FAR1: variants seen among roughly 807,000 people sequenced by gnomAD.
FAR1 encodes the protein male sterility domain-containing protein 2.
In FAR1, 22 loss-of-function variants were observed where a neutral mutation model predicts 61.1. That is an observed-to-expected ratio of 0.36 (90% CI 0.26 to 0.51). FAR1 has a LOEUF of 0.51. Among genes scored for constraint, FAR1 ranks in the 20% least tolerant of loss-of-function variants. FAR1 has a pLI of 0.95. For missense variants in FAR1, 359 were observed against 626.9 expected, an observed-to-expected ratio of 0.57 and a Z score of 4.56; for synonymous variants, 206 against 209.7, an observed-to-expected ratio of 0.98 and a Z score of 0.15.
Position 13,700,387 on chromosome 11 carries a change from C to A in FAR1, c.260C>A (p.Thr87Asn), listed in dbSNP as rs1848358118. 1 of 1,603,418 alleles carries A rather than the reference C, an allele frequency of 6.2e-7. No homozygotes were observed. The highest frequency in any genetic ancestry group is 1.3e-5 in the African/African-American group (1 of 74,246). ...ATTATAGCAATCAACAGCGAACTCA[C>A]CCAACCTAAACTGGCTCTCAGTGAA... ...EKIIAINSEL[T>N]QPKLALSEED... Residue 87 changes from threonine (T) to asparagine (N), a missense_variant, in exon 3 of 12, where the codon ACC (threonine) becomes AAC (asparagine). This residue lies in a region of FAR1 where 344 missense variants were observed against 570.3 expected (regional missense o/e 0.60). Transcript: ENST00000354817.
intron 1 of FAR1, among the ~76,000 whole-genome samples, chr11:13,679,493 C>T (rs1366652378): frequency 3.3e-5 from 5 of 152,050 alleles, no homozygotes; most frequent in Non-Finnish European, 7.4e-5. Flanking sequence ...ATTTTGGGTG[C>T]TTCTTCCTGT....
rs779926990 is a variant in FAR1, at chr11:13,728,617, G to A, written c.1391G>A (p.Arg464Gln). The change falls in exon 12 of 12, where the codon CGG (arginine) becomes CAG (glutamine). Residue 464 changes from arginine (R) to glutamine (Q), a missense_variant. Physicochemically the swap from Arg to Gln is conservative, Grantham distance 43. Coordinates refer to ENST00000354817, the MANE Select transcript of FAR1 (RefSeq NM_032228.6). ...PAARKHLNKL[R>Q]NIRYGFNTIL... ...TCTCTTGATTTGCTTTCCAGGTTGC[G>A]GAATATACGTTATGGTTTTAATACT... 1.4e-5 allele frequency: 22 copies of A among 1,609,472 alleles called. No homozygotes were observed. The highest frequency in any genetic ancestry group is 4.0e-5 in the African/African-American group (3 of 74,728).
intron 1 of FAR1, among the ~76,000 whole-genome samples, chr11:13,689,898 T>C (rs1306946061): frequency 6.7e-6 from 1 of 149,518 alleles, no homozygotes; most frequent in Non-Finnish European, 1.5e-5. Flanking sequence ...TTTTTTGAGT[T>C]AGAGTCTTGC....
intron 9 of FAR1, 101 bp downstream of exon 9, chr11:13,714,781 G>C: frequency 9.4e-7 from 1 of 1,060,850 alleles, no homozygotes; most frequent in Non-Finnish European, 1.3e-6. Flanking sequence ...TTATGATAAG[G>C]CTTAATAGCC....
intron 1 of FAR1, among the ~76,000 whole-genome samples, chr11:13,689,100 G>T (rs1848219645): frequency 6.6e-6 from 1 of 152,214 alleles, no homozygotes; most frequent in Admixed American, 6.5e-5. Context: ...GGAGCAGCAT[G>T]TATAAACCAG....
chr11:13,690,057 G>A (rs1339177239), intron 1 of FAR1, among the ~76,000 whole-genome samples: 1 of 151,848 alleles, frequency 6.6e-6, no homozygotes, highest in African/African-American at 2.4e-5. Flanking sequence ...TGTATTTTTA[G>A]TAGAGACGGG....
chr11:13,690,426 T>C (rs1848236777), intron 1 of FAR1, among the ~76,000 whole-genome samples: 1 of 152,210 alleles, frequency 6.6e-6, no homozygotes, highest in Admixed American at 6.5e-5. Context: ...CCTTTTTATG[T>C]TCTGTTTAAG....
At chr11:13,673,978 A>T (rs1331968022) in intron 1 of FAR1, among the ~76,000 whole-genome samples, 1 of 152,224 alleles carries the variant, frequency 6.6e-6, no homozygotes, top group African/African-American at 2.4e-5. Context: ...CTCTTTCATT[A>T]GTTAACATTA....
chr11:13,704,461 G>A (rs1848412199), intron 3 of FAR1, among the ~76,000 whole-genome samples: 1 of 152,134 alleles, frequency 6.6e-6, no homozygotes. Context: ...AATGTATTAA[G>A]AATCTTAAGA....
At chr11:13,671,851 G>A (rs1297596270) in intron 1 of FAR1, among the ~76,000 whole-genome samples, 2 of 152,170 alleles carry the variant, frequency 1.3e-5, no homozygotes, top group African/African-American at 4.8e-5. Context: ...GTTCAATATT[G>A]ACAAGAAAAT....
intron 9 of FAR1, chr11:13,720,549 T>C (rs1384588124): frequency 1.3e-5 from 2 of 152,100 alleles, no homozygotes; most frequent in African/African-American, 2.4e-5. Context: ...TTTTACATAG[T>C]TTATATTGCT....
chr11:13,671,775 C>T lies in FAR1; in HGVS notation c.-8+2969C>T, dbSNP rs376414869. ...CTAGGAGGGGACAGGTCAGGATTGG[C>T]AGAATCAGTCAGTAAATGTTAATTG... On this transcript the variant is annotated intron_variant, in intron 1 of 11. Coordinates refer to ENST00000354817, the MANE Select transcript of FAR1 (RefSeq NM_032228.6). Among the ~76,000 whole-genome samples the T allele has an allele frequency of 2.0e-5, 3 of 152,254 alleles. No homozygotes were observed. In the East Asian group the frequency reaches 5.8e-4, roughly 29 times the overall value.
chr11:13,683,409 A>AGC (rs1848151457), intron 1 of FAR1, among the ~76,000 whole-genome samples: 1 of 152,116 alleles, frequency 6.6e-6, no homozygotes, highest in Non-Finnish European at 1.5e-5. Flanking sequence ...AAAAAGACAA[A>AGC]GCAGCATTGG....
intron 10 of FAR1, among the ~76,000 whole-genome samples, chr11:13,726,358 A>G (rs1036832098): frequency 6.6e-6 from 1 of 152,020 alleles, no homozygotes; most frequent in Non-Finnish European, 1.5e-5. Context: ...TACTTTCTCT[A>G]ACATGGGTTT....
At chr11:13,682,989 TAAA>T (rs1848145047) in intron 1 of FAR1, among the ~76,000 whole-genome samples, 1 of 152,222 alleles carries the variant, frequency 6.6e-6, no homozygotes, top group African/African-American at 2.4e-5. Context: ...TAATGAATAT[TAAA>T]AGATTATTTA....
intron 1 of FAR1, among the ~76,000 whole-genome samples, chr11:13,675,106 T>C (rs1848052191): frequency 1.3e-5 from 2 of 150,314 alleles, no homozygotes; most frequent in African/African-American, 4.9e-5. Context: ...AGTATAATAA[T>C]AGACATGTTA....
chr11:13,695,398 T>G (rs1295318907), intron 2 of FAR1, among the ~76,000 whole-genome samples: 3 of 152,128 alleles, frequency 2.0e-5, no homozygotes, highest in African/African-American at 7.2e-5. Flanking sequence ...ATATTCCCAT[T>G]TAACAGATGA....
chr11:13,732,086 C>T lies in FAR1; in HGVS notation c.*3312C>T, dbSNP rs1035385097. ...AAACTAGAAAAAGGAATGTATGCCA[C>T]GTAACTGGATTACAGAAATGAGTTA... On this transcript the variant is annotated 3_prime_UTR_variant, in exon 12 of 12. Coordinates refer to ENST00000354817, the MANE Select transcript of FAR1 (RefSeq NM_032228.6). 1.3e-5 allele frequency: 2 copies of T among 150,086 alleles called. No individual in the cohort carries two copies. Among genetic ancestry groups the T allele is most frequent in the African/African-American group, 2.5e-5 (1 of 40,698 alleles). 9.3% of individuals were successfully genotyped at this position (150,086 alleles called of 1,614,324 possible).
intron 10 of FAR1, among the ~76,000 whole-genome samples, chr11:13,725,541 T>C (rs902531292): frequency 1.3e-5 from 2 of 152,164 alleles, no homozygotes; most frequent in African/African-American, 4.8e-5. Context: ...TACTCAGCTT[T>C]ACTCAGTGGA....
Sources: allele counts gnomAD v4.1 joint callset (sites outside exome capture counted in the v4.1 genomes callset), GRCh38; gene constraint gnomAD v4.1.1; regional missense constraint gnomAD v4.1.1; transcripts MANE v1.5; gene names NCBI Gene and HGNC (gene_info 2026-07-23, HGNC 2026-07-21).